Variants in SLC17A5 observed in about 807,000 individuals in gnomAD.
SLC17A5 encodes the protein sialin.
SLC17A5 carries 47 observed loss-of-function variants against 59.4 expected under a neutral mutation model. The ratio of observed to expected loss-of-function variants is 0.79; its 90% CI spans 0.63 to 1.01. The LOEUF (loss-of-function observed/expected upper bound fraction) is 1.01, where lower values mean the gene tolerates loss of function less well. Ranked by LOEUF, SLC17A5 falls within the 50% of genes least tolerant of loss-of-function variation. The pLI is 0.00. For synonymous variants in SLC17A5, 202 were observed against 210.7 expected (o/e 0.96, Z 0.36); for missense variants, 522 against 595.5 (o/e 0.88, Z 1.28).
At chr6:73,646,152 A>G (rs1359096196) in intron 1 of SLC17A5, among the ~76,000 whole-genome samples, 1 of 152,250 alleles carries the variant, frequency 6.6e-6, no homozygotes, top group African/African-American at 2.4e-5. Context: ...GTAATGACAC[A>G]TCAACATCAT....
chr6:73,614,923 A>T (rs1767787991), intron 8 of SLC17A5, among the ~76,000 whole-genome samples: 1 of 152,196 alleles, frequency 6.6e-6, no homozygotes, highest in Non-Finnish European at 1.5e-5. Context: ...GCTCTAGCAG[A>T]TTAACTGAAC....
intron 7 of SLC17A5, chr6:73,618,442 G>C (rs1032978666): frequency 1.9e-5 from 7 of 372,506 alleles, no homozygotes; most frequent in Middle Eastern, 8.1e-4. Context: ...CTACTTCATG[G>C]ATGTGAAGTG....
chr6:73,594,942 G>T lies in SLC17A5; in HGVS notation c.*135C>A. ...ATTCTGGCAACTAGTGATATTTCAT[G>T]ATTATAGGCCTTAAAAATCTAATAC... is the stretch of plus-strand genomic sequence containing the variant. On this transcript the variant is annotated 3_prime_UTR_variant, in exon 11 of 11. Transcript: ENST00000355773. 1.1e-6 allele frequency: 1 copy of T among 902,150 alleles called. No individual in the cohort carries two copies. The highest frequency in any genetic ancestry group is 1.8e-6 in the Non-Finnish European group (1 of 563,520). The allele number at this position is 902,150 out of a possible 1,614,324, so 55.9% of individuals were successfully genotyped here.
At chr6:73,621,503 G>A (rs992783414) in intron 7 of SLC17A5, among the ~76,000 whole-genome samples, 7 of 152,112 alleles carry the variant, frequency 4.6e-5, no homozygotes, top group South Asian at 4.1e-4. Flanking sequence ...ATGTGTATTC[G>A]TATTCAAGTC....
intron 1 of SLC17A5, among the ~76,000 whole-genome samples, chr6:73,651,460 C>CAAAAAAAA (rs538079302): frequency 0.031 from 934 of 29,876 alleles, 50 homozygotes; most frequent in Admixed American, 0.093. Flanking sequence ...AACTCCGTCT[C>CAAAAAAAA]AAAAAAAAAA....
intron 9 of SLC17A5, 96 bp from the exon 10 acceptor site, chr6:73,600,537 C>T: frequency 2.1e-6 from 2 of 956,828 alleles, no homozygotes; most frequent in Non-Finnish European, 3.2e-6. Context: ...GAGACAGAGT[C>T]TCACTCTGTG....
chr6:73,608,106 A>G (rs919000931), intron 9 of SLC17A5, among the ~76,000 whole-genome samples: 1 of 152,036 alleles, frequency 6.6e-6, no homozygotes, highest in Non-Finnish European at 1.5e-5. Context: ...TTACATCTTC[A>G]TGTGTTATAA....
At chr6:73,647,928 G>A (rs1315952107) in intron 1 of SLC17A5, among the ~76,000 whole-genome samples, 1 of 152,154 alleles carries the variant, frequency 6.6e-6, no homozygotes, top group Admixed American at 6.5e-5. Context: ...AATTAGCCGG[G>A]CGTGGTGGCA....
Position 73,638,230 on chromosome 6 carries a change from A to C in SLC17A5, c.613+182T>G, listed in dbSNP as rs577422278. On this transcript the variant is annotated intron_variant, in intron 4 of 10. Transcript: ENST00000355773. The stretch of plus-strand genomic sequence containing the variant: ...AAATGACATTAGTCAATTAAGCTGC[A>C]TTACTATAAGTTGTTGAGCCAAAGA... Among the ~76,000 whole-genome samples the C allele has an allele frequency of 1.4e-4, 21 of 152,354 alleles. 1 individual carries two copies. The East Asian group carries it at 4.0e-3, about 29-fold the overall frequency.
chr6:73,620,722 ATT>A (rs111877603), intron 7 of SLC17A5, among the ~76,000 whole-genome samples: 4 of 141,554 alleles, frequency 2.8e-5, no homozygotes, highest in African/African-American at 7.7e-5. Flanking sequence ...CCTTGTTAGC[ATT>A]TTTTTTTTTT....
chr6:73,617,155 A>G (rs1767910525), intron 7 of SLC17A5, among the ~76,000 whole-genome samples: 1 of 151,882 alleles, frequency 6.6e-6, no homozygotes, highest in African/African-American at 2.4e-5. Flanking sequence ...GCTGGGCATC[A>G]TGATACATGA....
chr6:73,648,031 C>T (rs1028273704), intron 1 of SLC17A5, among the ~76,000 whole-genome samples: 1 of 151,828 alleles, frequency 6.6e-6, no homozygotes. Flanking sequence ...ATCACGCCAT[C>T]GCACTCCAGC....
intron 6 of SLC17A5, among the ~76,000 whole-genome samples, chr6:73,634,001 CAA>C (rs1194813416): frequency 1.3e-5 from 2 of 151,978 alleles, no homozygotes; most frequent in African/African-American, 4.8e-5. Flanking sequence ...ATGCTGAAAA[CAA>C]ACTGTGTATA....
intron 7 of SLC17A5, among the ~76,000 whole-genome samples, chr6:73,616,288 C>G (rs77975839): frequency 0.016 from 2,455 of 152,202 alleles, 88 homozygotes; most frequent in African/African-American, 0.056. Flanking sequence ...CTTCCTCCCC[C>G]CTTAAATAAG....
intron 9 of SLC17A5, among the ~76,000 whole-genome samples, chr6:73,601,271 C>A (rs1187884393): frequency 1.4e-5 from 2 of 143,418 alleles, no homozygotes; most frequent in East Asian, 2.1e-4. Context: ...TCTGCCCAGC[C>A]GCCCCGTCTG....
intron 3 of SLC17A5, 100 bp downstream of exon 3, chr6:73,641,591 G>A (rs556552157): frequency 5.3e-5 from 45 of 852,864 alleles, no homozygotes; most frequent in Admixed American, 3.7e-4. Context: ...ATCATCCAAC[G>A]TTATTTTTTG....
At chr6:73,649,191 T>A (rs1336076571) in intron 1 of SLC17A5, among the ~76,000 whole-genome samples, 1 of 152,058 alleles carries the variant, frequency 6.6e-6, no homozygotes, top group Non-Finnish European at 1.5e-5. Context: ...AGAGACAGGA[T>A]TTCACCATGT....
rs760030802 is a variant in SLC17A5, at chr6:73,644,476, T to C, written c.222A>G (p.Leu74=). The part of the protein sequence containing the change: ...LVDMVDSNTT[L]EDNRTSKACP... ...ACGCCTTGGAAGTTCTATTATCTTCTAAAGTTGTATTTGAATCTACCATAT... is the reference window on the plus strand; with the variant it reads ...ACGCCTTGGAAGTTCTATTATCTTCCAAAGTTGTATTTGAATCTACCATAT... Residue 74 remains leucine (L), a synonymous_variant, in exon 2 of 11, where the codon TTA becomes TTG. Coordinates refer to ENST00000355773, the MANE Select transcript of SLC17A5 (RefSeq NM_012434.5). 1 of 1,614,074 alleles carries C rather than the reference T, an allele frequency of 6.2e-7. No individual in the cohort carries two copies. The highest frequency in any genetic ancestry group is 1.7e-5 in the Admixed American group (1 of 60,018).
chr6:73,641,812 C>T lies in SLC17A5; in HGVS notation c.404G>A (p.Gly135Glu), dbSNP rs943659129. ...GATCCCAAATCCTAGCAGCATTTTC[C>T]CCCCTATTTTGCTGGCAACATATCC... The part of the protein sequence containing the change: ...PGGYVASKIG[G>E]KMLLGFGILG... Residue 135 changes from glycine (G) to glutamate (E), a missense_variant, in exon 3 of 11, where the codon GGG becomes GAG. Physicochemically the swap from Gly to Glu is moderately conservative, Grantham distance 98 (BLOSUM62 -2). This residue lies in a region of SLC17A5 where 338 missense variants were observed against 363.8 expected (regional missense o/e 0.93). Transcript: ENST00000355773. The T allele has an allele frequency of 5.6e-6, 9 of 1,613,988 alleles. No homozygotes were observed. The highest frequency in any genetic ancestry group is 5.9e-6 in the Non-Finnish European group (7 of 1,180,020).
Sources: gnomAD v4.1 joint callset for allele counts (sites outside exome capture counted in the v4.1 genomes callset) on GRCh38, gnomAD v4.1.1 for gene constraint, gnomAD v4.1.1 regional missense constraint, MANE v1.5 for transcripts, NCBI Gene and HGNC (gene_info 2026-07-23, HGNC 2026-07-21) for gene names.